The following USHBP1 variants were observed in gnomAD, a reference collection of about 807,000 sequenced individuals.
USHBP1 encodes harmonin-binding protein USHBP1.
A neutral mutation model predicts 76.2 loss-of-function variants in USHBP1; 67 were observed. The ratio of observed to expected loss-of-function variants is 0.88; its 90% CI spans 0.72 to 1.08. The LOEUF (loss-of-function observed/expected upper bound fraction) is 1.08. Ranked by LOEUF, USHBP1 falls within the 50% of genes least tolerant of loss-of-function variation. USHBP1 has a pLI of 0.00. For synonymous variants in USHBP1, 322 were observed against 362.2 expected (o/e 0.89, Z 1.26); for missense variants, 931 against 915.0 (o/e 1.02, Z -0.23).
chr19:17,252,441 T>G (rs933297062), intron 10 of USHBP1, among the ~76,000 whole-genome samples: 1 of 151,920 alleles, frequency 6.6e-6, no homozygotes, highest in Non-Finnish European at 1.5e-5. Flanking sequence ...AAATAAAATT[T>G]AGGGGCCAGG....
In USHBP1 at chr19:17,256,697, TTATCCACACTGCTGCCTTCAGGGC is replaced by T. The variant is rs2145585220; in HGVS notation, c.1221-1_1243del. On this transcript the variant is annotated splice_acceptor_variant and coding_sequence_variant, in exon 9 of 13. Coordinates refer to ENST00000252597, the MANE Select transcript of USHBP1 (RefSeq NM_031941.4). LOFTEE classifies it high-confidence loss of function. ...GAAAGCCACTTCCTGTGGGGTGGGCTTATCCACACTGCTGCCTTCAGGGCTATAGAAAACAGAAAAGGTGCCTAT... is the reference window on the plus strand; with the variant it reads ...GAAAGCCACTTCCTGTGGGGTGGGCTTATAGAAAACAGAAAAGGTGCCTAT... 2.5e-6 allele frequency: 4 copies of T among 1,614,084 alleles called. No homozygotes were observed. The East Asian group carries it at 8.9e-5, about 36-fold the overall frequency.
At chr19:17,256,799 C>A (rs941375545) in intron 8 of USHBP1, 79 bp from the exon 9 acceptor site, 2 of 1,572,418 alleles carry the variant, frequency 1.3e-6, no homozygotes, top group African/African-American at 1.4e-5. Flanking sequence ...CTGGTAGGGT[C>A]CATCACCTTC....
chr19:17,254,890 C>G (rs931588794), intron 10 of USHBP1, among the ~76,000 whole-genome samples: 3 of 151,916 alleles, frequency 2.0e-5, no homozygotes, highest in African/African-American at 7.2e-5. Context: ...TACAGGAGGT[C>G]GAGGACTTTA....
At position 17,251,723 on chromosome 19, in the gene USHBP1, GA is replaced by G. The variant is rs2073555203; in HGVS notation, c.1800-20del. 1.2e-6 allele frequency: 2 copies of G among 1,610,964 alleles called. No homozygotes were observed. The highest frequency in any genetic ancestry group is 1.7e-6 in the Non-Finnish European group (2 of 1,179,964). ...CAGTGTCCTGTTGCGAAGGAGAAGA[GA>G]GGGGGCTCACAGCCCCAGCCGATCC... On this transcript the variant is annotated intron_variant, in intron 11 of 12. Coordinates refer to ENST00000252597, the MANE Select transcript of USHBP1 (RefSeq NM_031941.4).
At position 17,262,547 on chromosome 19, in the gene USHBP1, C is replaced by G. The variant is rs200520716; in HGVS notation, c.642+5G>C. The G allele has an allele frequency of 8.3e-5, 133 of 1,598,518 alleles. No individual in the cohort carries two copies. Among genetic ancestry groups the G allele is most frequent in the Non-Finnish European group, 1.1e-4 (127 of 1,170,572 alleles). ...CCACATGGGACTCAGGATGGCCCCACTCACCTCTTTCTGCAGCGTCTCCTT... is the reference window on the plus strand; with the variant it reads ...CCACATGGGACTCAGGATGGCCCCAGTCACCTCTTTCTGCAGCGTCTCCTT... On this transcript the variant is annotated splice_donor_5th_base_variant and intron_variant, in intron 4 of 12. Coordinates refer to ENST00000252597, the MANE Select transcript of USHBP1 (RefSeq NM_031941.4).
At chr19:17,250,474 C>A in intron 12 of USHBP1, 60 bp from the exon 13 acceptor site, 1 of 1,556,580 alleles carries the variant, frequency 6.4e-7, no homozygotes. Flanking sequence ...AGGCAAGGGC[C>A]GTGTACTCCC....
intron 9 of USHBP1, among the ~76,000 whole-genome samples, 190 bp from the exon 10 acceptor site, chr19:17,255,796 T>G (rs533354949): frequency 2.0e-5 from 3 of 151,910 alleles, no homozygotes; most frequent in Non-Finnish European, 2.9e-5. Flanking sequence ...AGGTCAGGAG[T>G]TCGAGACGAG....
chr19:17,261,390 C>T (rs58925582), intron 4 of USHBP1, among the ~76,000 whole-genome samples: 26,841 of 143,582 alleles, frequency 0.19, 2,724 homozygotes, highest in African/African-American at 0.22. Context: ...GGCTGGAGTG[C>T]AATGGCGGGA....
At chr19:17,257,495 A>C (rs981567550) in intron 8 of USHBP1, among the ~76,000 whole-genome samples, 2 of 150,806 alleles carry the variant, frequency 1.3e-5, no homozygotes, top group African/African-American at 4.8e-5. Context: ...ATTCAAAATT[A>C]GCCGGGTGTG....
In USHBP1 at chr19:17,264,349, T is replaced by TA. The variant is rs2073728277; in HGVS notation, c.-48-3dup. 6.4e-7 allele frequency: 1 copy of TA among 1,555,338 alleles called. No individual in the cohort carries two copies. On this transcript the variant is annotated splice_polypyrimidine_tract_variant and splice_region_variant and intron_variant, in intron 1 of 12. Transcript: ENST00000252597. ...TGAATGCTTCTCCTTCGTCAACCCC[T>TA]AAAACCACAGCCTGCCATGAGCTCT...
chr19:17,254,304 A>G (rs1187094902), intron 10 of USHBP1, among the ~76,000 whole-genome samples: 1 of 150,600 alleles, frequency 6.6e-6, no homozygotes, highest in Non-Finnish European at 1.5e-5. Context: ...CCGAGATTGC[A>G]CCACTGCACT....
At position 17,262,920 on chromosome 19, in the gene USHBP1, C is replaced by T; in HGVS notation, c.274G>A (p.Ala92Thr). The change falls in exon 4 of 13, where the codon GCA becomes ACA. Residue 92 changes from alanine to threonine, a missense_variant. By Grantham distance (58) the Ala-to-Thr change is moderately conservative. Transcript: ENST00000252597. ...TCTGGGGCTTGGTGGGCTTCCACTG[C>T]AGGTTTGTGGGGCACTTCGGGGGCT... ...ASAPEVPHKP[A>T]VEAHQAPEAA... is the part of the protein sequence containing the mutation. 6.4e-7 allele frequency: 1 copy of T among 1,566,338 alleles called. No homozygotes were observed. The highest frequency in any genetic ancestry group is 8.7e-7 in the Non-Finnish European group (1 of 1,154,488).
chr19:17,251,312 T>A (rs930742486), intron 12 of USHBP1, among the ~76,000 whole-genome samples: 1 of 151,284 alleles, frequency 6.6e-6, no homozygotes, highest in African/African-American at 2.4e-5. Flanking sequence ...TACAGGCACG[T>A]GCAAAGACGC....
chr19:17,255,829 C>T (rs1046361929), intron 9 of USHBP1, among the ~76,000 whole-genome samples: 7 of 152,068 alleles, frequency 4.6e-5, no homozygotes, highest in Non-Finnish European at 8.8e-5. Flanking sequence ...GGTGAAAACC[C>T]GTCTCCATTA....
chr19:17,252,108 C>A, intron 10 of USHBP1, 91 bp from the exon 11 acceptor site: 1 of 1,208,162 alleles, frequency 8.3e-7, no homozygotes. Context: ...CAGACAGTGG[C>A]AGCTGCTGTG....
At chr19:17,253,838 G>C (rs1047353140) in intron 10 of USHBP1, among the ~76,000 whole-genome samples, 6 of 148,592 alleles carry the variant, frequency 4.0e-5, no homozygotes, top group Admixed American at 6.7e-5. Context: ...AGATTGCAGT[G>C]AGCCAAGATC....
In USHBP1 at chr19:17,258,295, T is replaced by A; in HGVS notation, c.1137A>T (p.Gln379His). The change falls in exon 8 of 13, where the codon CAA becomes CAT. Residue 379 changes from glutamine (Q) to histidine (H), a missense_variant. Transcript: ENST00000252597. Reference protein sequence around the residue: ...AGDEAPMSDLQAAEKEAWRLL... With the variant: ...AGDEAPMSDLHAAEKEAWRLL... ...GCCTCCATGCTTCCTTTTCAGCTGC[T>A]TGCAGGTCACTCATGGGGGCTTCGT... 1 of 1,614,152 alleles carries A rather than the reference T, an allele frequency of 6.2e-7. No individual in the cohort carries two copies. Among genetic ancestry groups the A allele is most frequent in the Non-Finnish European group, 8.5e-7 (1 of 1,180,040 alleles).
Position 17,255,543 on chromosome 19 carries a change from G to C in USHBP1, c.1534C>G (p.Leu512Val), listed in dbSNP as rs2073608473. The C allele has an allele frequency of 3.1e-6, 5 of 1,613,766 alleles. No homozygotes were observed. The highest frequency in any genetic ancestry group is 1.3e-5 in the African/African-American group (1 of 75,066). The part of the protein sequence containing the change: ...LVRREKRGLE[L>V]REAALRALGP... ...AGGGCTCGGAGGGCAGCCTCCCGCA[G>C]CTCTAGGCCCCGCTTCTCACGCCGC... The change falls in exon 10 of 13, where the codon CTG (leucine) becomes GTG (valine). Residue 512 changes from leucine to valine, a missense_variant. Transcript: ENST00000252597.
chr19:17,250,566 T>C, intron 12 of USHBP1, 152 bp from the exon 13 acceptor site: 1 of 922,404 alleles, frequency 1.1e-6, no homozygotes, highest in South Asian at 1.7e-5. Context: ...TTGTTGTTGT[T>C]TGAGACAGAA....
Sources: allele counts gnomAD v4.1 joint callset (sites outside exome capture counted in the v4.1 genomes callset), GRCh38; gene constraint gnomAD v4.1.1; transcripts MANE v1.5; gene names NCBI Gene and HGNC (gene_info 2026-07-23, HGNC 2026-07-21).